TLN2: variants seen among roughly 807,000 people sequenced by gnomAD.
TLN2 encodes the protein talin-2.
A neutral mutation model predicts 294.7 loss-of-function variants in TLN2; 118 were observed. The observed-to-expected ratio is 0.40, with a 90% confidence interval of 0.34 to 0.47. The LOEUF is 0.47. TLN2 is among the 20% of genes least tolerant of loss of function. The pLI is 0.84. For synonymous variants in TLN2, 1,431 were observed against 1,304.5 expected, an observed-to-expected ratio of 1.10 and a Z score of -2.09; for missense variants, 3,083 against 3,282.2, an observed-to-expected ratio of 0.94 and a Z score of 1.48.
intron 36 of TLN2, chr15:62,754,454 G>C (rs1330347327): frequency 6.6e-6 from 1 of 152,318 alleles, no homozygotes; most frequent in Non-Finnish European, 1.5e-5. Flanking sequence ...AAGCCAGAAT[G>C]ACATTTGAGG....
intron 23 of TLN2, among the ~76,000 whole-genome samples, chr15:62,717,067 A>G (rs778536868): frequency 2.0e-5 from 3 of 152,140 alleles, no homozygotes; most frequent in Admixed American, 1.3e-4. Context: ...AGTCTGCTAT[A>G]TTCTGGAAGA....
At chr15:62,493,052 C>T (rs947870925) in intron 1 of TLN2, among the ~76,000 whole-genome samples, 3 of 152,110 alleles carry the variant, frequency 2.0e-5, no homozygotes, top group African/African-American at 7.2e-5. Flanking sequence ...CATTTGTGTT[C>T]CCTCTGGCCT....
chr15:62,725,327 C>G (rs905854997), intron 27 of TLN2, among the ~76,000 whole-genome samples: 1 of 152,140 alleles, frequency 6.6e-6, no homozygotes, highest in Admixed American at 6.5e-5. Flanking sequence ...GTGCACGCGT[C>G]CCATATCTCC....
intron 1 of TLN2, among the ~76,000 whole-genome samples, chr15:62,579,239 G>C (rs1414047096): frequency 1.1e-4 from 16 of 152,262 alleles, no homozygotes; most frequent in Non-Finnish European, 5.9e-5. Flanking sequence ...GAGGAATTTA[G>C]CTTTTGGAGA....
At position 62,714,451 on chromosome 15, in the gene TLN2, C is replaced by G. The variant is rs376536522; in HGVS notation, c.2635-1880C>G. Among the ~76,000 whole-genome samples the G allele has an allele frequency of 5.6e-3, 848 of 152,176 alleles. 5 individuals carry two copies. Among genetic ancestry groups the G allele is most frequent in the African/African-American group, 0.017 (715 of 41,514 alleles). ...TCTCCTGACCTTGTGATCCACCCGCCTCGGCCTCCCAAAGTGCTGGGATTA... is the reference window on the plus strand; with the variant it reads ...TCTCCTGACCTTGTGATCCACCCGCGTCGGCCTCCCAAAGTGCTGGGATTA... On this transcript the variant is annotated intron_variant, in intron 22 of 58. Coordinates refer to ENST00000636159, the MANE Select transcript of TLN2 (RefSeq NM_015059.3).
rs2070623426 is a variant in TLN2 at position 62,841,000 on chromosome 15, T to C, written c.*390T>C. On this transcript the variant is annotated 3_prime_UTR_variant, in exon 59 of 59. Coordinates refer to ENST00000636159, the MANE Select transcript of TLN2 (RefSeq NM_015059.3). ...GATATTGTGATAGGGAAAAAAATCA[T>C]TGACGTCATAGAATATTCTTCTTCC... 1.3e-5 allele frequency: 2 copies of C among 159,244 alleles called. No individual in the cohort carries two copies. Among genetic ancestry groups the C allele is most frequent in the Admixed American group, 1.3e-4 (2 of 15,526 alleles). 9.9% of individuals were successfully genotyped at this position (159,244 alleles called of 1,614,324 possible).
rs143291035 is a variant in TLN2, at chr15:62,801,965, A to G, written c.6477+1196A>G. Among the ~76,000 whole-genome samples, 896 of 152,306 alleles carry G rather than the reference A, an allele frequency of 5.9e-3. 11 individuals are homozygous for G. Among genetic ancestry groups the G allele is most frequent in the African/African-American group, 0.02 (815 of 41,560 alleles). On this transcript the variant is annotated intron_variant, in intron 50 of 58. Coordinates refer to ENST00000636159, the MANE Select transcript of TLN2 (RefSeq NM_015059.3). Reference sequence around the variant, plus strand: ...CATTTATGCTTTGTGTTACAATCCAATTATACTCTTTTAGTTATTTTTAAA... The same window carrying G: ...CATTTATGCTTTGTGTTACAATCCAGTTATACTCTTTTAGTTATTTTTAAA...
intron 2 of TLN2, among the ~76,000 whole-genome samples, chr15:62,618,061 C>A (rs983315520): frequency 6.6e-6 from 1 of 150,928 alleles, no homozygotes; most frequent in East Asian, 2.0e-4. Context: ...GGCCTCTCAA[C>A]GTGTTGAGAT....
At chr15:62,400,345 A>T (rs1177075228) in intron 1 of TLN2, among the ~76,000 whole-genome samples, 1 of 152,238 alleles carries the variant, frequency 6.6e-6, no homozygotes, top group Non-Finnish European at 1.5e-5. Context: ...TGAAAGTTAG[A>T]ATCTCAGTCA....
At chr15:62,582,231 CA>C (rs1567138708) in intron 1 of TLN2, among the ~76,000 whole-genome samples, 12 of 145,570 alleles carry the variant, frequency 8.2e-5, no homozygotes, top group Non-Finnish European at 1.2e-4. Context: ...CACACACACA[CA>C]CACACACACA....
In TLN2 at chr15:62,395,438, G is replaced by T. The variant is rs868472524; in HGVS notation, c.-238+4753G>T. 9.9e-5 allele frequency among the ~76,000 whole-genome samples: 15 copies of T among 151,918 alleles called. No individual in the cohort carries two copies. The South Asian group carries it at 2.1e-3, about 21-fold the overall frequency. On this transcript the variant is annotated intron_variant, in intron 1 of 58. Coordinates refer to ENST00000636159, the MANE Select transcript of TLN2 (RefSeq NM_015059.3). ...ATACAATTGATACATCTTTTAAAAG[G>T]TTGGTAATACTCTCTGCTCGATGGG...
chr15:62,662,402 A>T (rs558220882), intron 9 of TLN2, among the ~76,000 whole-genome samples: 19 of 152,356 alleles, frequency 1.2e-4, no homozygotes, highest in Admixed American at 1.2e-3. Context: ...TCCTCTCCTT[A>T]ATTTGAAACT....
At chr15:62,604,467 G>A (rs1251431619) in intron 2 of TLN2, among the ~76,000 whole-genome samples, 16 of 147,768 alleles carry the variant, frequency 1.1e-4, no homozygotes, top group African/African-American at 4.0e-4. Flanking sequence ...TGATGGTGCA[G>A]TGAGCCATGA....
intron 11 of TLN2, among the ~76,000 whole-genome samples, chr15:62,677,326 T>C (rs781539945): frequency 3.3e-5 from 5 of 152,318 alleles, no homozygotes; most frequent in Middle Eastern, 3.4e-3. Flanking sequence ...AATTCATCTC[T>C]TGCATTCAGA....
chr15:62,482,728 A>C (rs531765112), intron 1 of TLN2, among the ~76,000 whole-genome samples: 1 of 150,622 alleles, frequency 6.6e-6, no homozygotes, highest in African/African-American at 2.4e-5. Flanking sequence ...AATACAAAAG[A>C]GTTAAAAAAA....
rs1007393615 is a variant in TLN2, at chr15:62,458,819, C to T, written c.-238+68134C>T. On this transcript the variant is annotated intron_variant, in intron 1 of 58. Transcript: ENST00000636159. The stretch of plus-strand genomic sequence containing the variant: ...GATGATGCAGGGCTTGAGTGCGACT[C>T]TCCTTGCATGTCCCTGCTTACTTAA... 5.6e-4 allele frequency among the ~76,000 whole-genome samples: 85 copies of T among 151,968 alleles called. 1 individual carries two copies. Among genetic ancestry groups the T allele is most frequent in the Non-Finnish European group, 2.5e-4 (17 of 67,990 alleles).
At chr15:62,768,187 A>C (rs887224274) in intron 41 of TLN2, among the ~76,000 whole-genome samples, 1 of 152,190 alleles carries the variant, frequency 6.6e-6, no homozygotes, top group Non-Finnish European at 1.5e-5. Flanking sequence ...TCAGACCCCA[A>C]CTGTGTTCAT....
intron 25 of TLN2, 32 bp downstream of exon 25, chr15:62,719,912 C>T (rs769000790): frequency 3.9e-6 from 6 of 1,519,304 alleles, no homozygotes; most frequent in Non-Finnish European, 4.5e-6. Context: ...TGGGCTCACT[C>T]AGAGCCCTCT....
At chr15:62,445,955 T>C (rs1276747567) in intron 1 of TLN2, among the ~76,000 whole-genome samples, 1 of 151,722 alleles carries the variant, frequency 6.6e-6, no homozygotes, top group East Asian at 1.9e-4. Flanking sequence ...ACTGGCCCTT[T>C]CTTGATATTC....
Sources: gnomAD v4.1 joint callset for allele counts (sites outside exome capture counted in the v4.1 genomes callset) on GRCh38, gnomAD v4.1.1 for gene constraint, MANE v1.5 for transcripts, NCBI Gene and HGNC (gene_info 2026-07-23, HGNC 2026-07-21) for gene names.